The following DTD1 variants were observed in gnomAD, a reference collection of about 807,000 sequenced individuals.
The protein encoded by DTD1 is D-aminoacyl-tRNA deacylase 1.
DTD1 carries 13 observed loss-of-function variants against 25.6 expected under a neutral mutation model. The observed-to-expected ratio is 0.51, with a 90% CI of 0.33 to 0.81. The LOEUF is 0.81. Among genes scored for constraint, DTD1 ranks in the 30% least tolerant of loss-of-function variants. DTD1 has a pLI of 0.02. For missense variants in DTD1, 193 were observed against 266.4 expected, an observed-to-expected ratio of 0.72 and a Z score of 1.92; for synonymous variants, 110 against 103.6, an observed-to-expected ratio of 1.06 and a Z score of -0.37.
intron 4 of DTD1, among the ~76,000 whole-genome samples, chr20:18,630,174 G>A (rs1012965070): frequency 6.6e-6 from 1 of 151,946 alleles, no homozygotes; most frequent in African/African-American, 2.4e-5. Flanking sequence ...TTTTTATTGT[G>A]AAATAATTTG....
intron 4 of DTD1, among the ~76,000 whole-genome samples, chr20:18,708,277 A>ATATTTT (rs376267580): frequency 1.3e-4 from 2 of 15,588 alleles, no homozygotes; most frequent in African/African-American, 1.8e-4. Flanking sequence ...ATATATATAT[A>ATATTTT]ATATATATTA....
intron 4 of DTD1, among the ~76,000 whole-genome samples, chr20:18,633,391 C>T (rs574514850): frequency 1.3e-5 from 2 of 152,318 alleles, no homozygotes; most frequent in Non-Finnish European, 2.9e-5. Flanking sequence ...CAGGAAGCCC[C>T]TTCGGCTACT....
At chr20:18,598,840 C>A (rs1019038838) in intron 3 of DTD1, among the ~76,000 whole-genome samples, 3 of 151,828 alleles carry the variant, frequency 2.0e-5, no homozygotes, top group African/African-American at 4.8e-5. Context: ...CCTAAAAATC[C>A]TCTGTGCTCT....
intron 5 of DTD1, among the ~76,000 whole-genome samples, chr20:18,744,917 G>A (rs188785483): frequency 2.8e-4 from 42 of 152,318 alleles, no homozygotes; most frequent in Non-Finnish European, 4.9e-4. Flanking sequence ...TCATTGAGAT[G>A]CAGGAGGGTG....
At chr20:18,725,716 C>T (rs973468431) in intron 4 of DTD1, among the ~76,000 whole-genome samples, 2 of 152,226 alleles carry the variant, frequency 1.3e-5, no homozygotes, top group Admixed American at 1.3e-4. Flanking sequence ...CCTCTGCTTA[C>T]AGAGGCTCAC....
intron 4 of DTD1, among the ~76,000 whole-genome samples, chr20:18,655,210 T>C (rs1216633394): frequency 6.6e-6 from 1 of 152,232 alleles, no homozygotes; most frequent in East Asian, 1.9e-4. Context: ...ATCTTTGTTT[T>C]TCAGAGAAGG....
chr20:18,740,420 C>T (rs914738371), intron 4 of DTD1, among the ~76,000 whole-genome samples: 3 of 151,948 alleles, frequency 2.0e-5, no homozygotes, highest in African/African-American at 7.3e-5. Flanking sequence ...TAATTTGGAC[C>T]TGTTCATGAG....
rs1466005576 is a variant in DTD1 at position 18,754,027 on chromosome 20, A to T, written c.*20-9333A>T. 9.2e-5 allele frequency among the ~76,000 whole-genome samples: 14 copies of T among 152,244 alleles called. No homozygotes were observed. In the South Asian group the frequency reaches 2.9e-3, roughly 32 times the overall value. On this transcript the variant is annotated intron_variant, in intron 5 of 5. Coordinates refer to ENST00000377452, the MANE Select transcript of DTD1 (RefSeq NM_080820.6). Reference sequence around the variant, plus strand: ...TTCTAGGTAAATGAATTCTGATTTGATTACCAGCTAAGACCTGAAATAAAT... The same window carrying T: ...TTCTAGGTAAATGAATTCTGATTTGTTTACCAGCTAAGACCTGAAATAAAT...
chr20:18,589,492 C>T (rs2060580601), intron 1 of DTD1, among the ~76,000 whole-genome samples: 1 of 152,200 alleles, frequency 6.6e-6, no homozygotes, highest in Non-Finnish European at 1.5e-5. Context: ...CTAATGATTT[C>T]TAAGCTGTTC....
chr20:18,669,372 G>A (rs2060943851), intron 4 of DTD1, among the ~76,000 whole-genome samples: 1 of 152,196 alleles, frequency 6.6e-6, no homozygotes, highest in African/African-American at 2.4e-5. Context: ...ACTACCTCCA[G>A]GCTGTGGACC....
At chr20:18,719,620 C>T (rs539542860) in intron 4 of DTD1, among the ~76,000 whole-genome samples, 9 of 152,250 alleles carry the variant, frequency 5.9e-5, no homozygotes, top group African/African-American at 2.2e-4. Context: ...ATGAAGAGTT[C>T]CTGGAGACTG....
intron 4 of DTD1, among the ~76,000 whole-genome samples, chr20:18,722,744 C>T (rs2061209148): frequency 6.6e-6 from 1 of 152,102 alleles, no homozygotes; most frequent in Non-Finnish European, 1.5e-5. Context: ...GACTGCAAAA[C>T]ATGGTTTTAA....
At chr20:18,686,167 A>G (rs539496973) in intron 4 of DTD1, among the ~76,000 whole-genome samples, 1 of 152,388 alleles carries the variant, frequency 6.6e-6, no homozygotes, top group Non-Finnish European at 1.5e-5. Flanking sequence ...ACGTTGAGAT[A>G]TAGAATATCC....
chr20:18,628,268 TG>T (rs752976817), intron 4 of DTD1, 35 bp downstream of exon 4: 1 of 1,560,034 alleles, frequency 6.4e-7, no homozygotes, highest in Admixed American at 1.7e-5. Flanking sequence ...CTCCGTCCCT[TG>T]GGTGCCTGTA....
intron 3 of DTD1, among the ~76,000 whole-genome samples, chr20:18,598,206 C>T (rs2060619488): frequency 6.6e-6 from 1 of 152,026 alleles, no homozygotes; most frequent in South Asian, 2.1e-4. Context: ...TCAACTCCCA[C>T]TTATAAGTAA....
At position 18,654,699 on chromosome 20, in the gene DTD1, C is replaced by T. The variant is rs1160019117; in HGVS notation, c.477+26466C>T. On this transcript the variant is annotated intron_variant, in intron 4 of 5. Coordinates refer to ENST00000377452, the MANE Select transcript of DTD1 (RefSeq NM_080820.6). ...CTCCAGGCCAGAGCTCTGGGAGTCA[C>T]ACTGGCTCATCTCCAGAACCTGTAT... Among the ~76,000 whole-genome samples, 4 of 152,248 alleles carry T rather than the reference C, an allele frequency of 2.6e-5. No homozygotes were observed. The East Asian group carries it at 7.7e-4, about 29-fold the overall frequency.
At chr20:18,707,979 A>T (rs953746401) in intron 4 of DTD1, among the ~76,000 whole-genome samples, 1 of 150,420 alleles carries the variant, frequency 6.6e-6, no homozygotes, top group East Asian at 2.0e-4. Context: ...CCAACTCTCC[A>T]TGAGTGGGCG....
chr20:18,726,105 C>G lies in DTD1; in HGVS notation c.478-17995C>G, dbSNP rs1163055200. Among the ~76,000 whole-genome samples the G allele has an allele frequency of 3.3e-5, 5 of 152,304 alleles. No homozygotes were observed. The South Asian group carries it at 6.2e-4, about 19-fold the overall frequency. On this transcript the variant is annotated intron_variant, in intron 4 of 5. Coordinates refer to ENST00000377452, the MANE Select transcript of DTD1 (RefSeq NM_080820.6). ...TTGGATTATCCTCAAGTTCACTTGT[C>G]TAGATCCTCACATGTTTAGGGATGT...
chr20:18,685,519 G>T (rs573785105), intron 4 of DTD1, among the ~76,000 whole-genome samples: 9 of 152,122 alleles, frequency 5.9e-5, no homozygotes, highest in Non-Finnish European at 1.3e-4. Flanking sequence ...TCCTTGGGGA[G>T]GCAGGAGTGA....
Sources: allele counts gnomAD v4.1 joint callset (sites outside exome capture counted in the v4.1 genomes callset), GRCh38; gene constraint gnomAD v4.1.1; transcripts MANE v1.5; gene names NCBI Gene and HGNC (gene_info 2026-07-23, HGNC 2026-07-21).